Variants in SNRK observed in about 807,000 individuals in gnomAD.
SNRK encodes SNF-related serine/threonine-protein kinase.
In SNRK, 3 loss-of-function variants were observed where a neutral mutation model predicts 48.2. The ratio of observed to expected loss-of-function variants is 0.06; its 90% CI spans 0.03 to 0.16. The LOEUF is 0.16. Ranked by LOEUF, SNRK falls within the 10% of genes least tolerant of loss-of-function variation. The pLI, the probability that SNRK is intolerant of heterozygous loss-of-function variation, is 1.00. For missense variants in SNRK, 627 were observed against 976.0 expected, an observed-to-expected ratio of 0.64 and a Z score of 4.76; for synonymous variants, 376 against 366.1, an observed-to-expected ratio of 1.03 and a Z score of -0.31.
chr3:43,291,518 G>T (rs2090812436), intron 1 of SNRK, among the ~76,000 whole-genome samples: 1 of 152,156 alleles, frequency 6.6e-6, no homozygotes, highest in Non-Finnish European at 1.5e-5. Context: ...TCTCATGGGA[G>T]GGAGGCCAGT....
intron 3 of SNRK, among the ~76,000 whole-genome samples, chr3:43,323,494 C>T (rs912725136): frequency 2.6e-5 from 4 of 152,210 alleles, no homozygotes; most frequent in African/African-American, 9.6e-5. Context: ...TTGAAATGCT[C>T]ATACATTTCT....
intron 3 of SNRK, among the ~76,000 whole-genome samples, chr3:43,324,745 A>C (rs1373991598): frequency 6.6e-6 from 1 of 152,200 alleles, no homozygotes; most frequent in African/African-American, 2.4e-5. Flanking sequence ...AATACAGGAA[A>C]ATAGGTTGCA....
intron 3 of SNRK, among the ~76,000 whole-genome samples, chr3:43,311,040 G>GGGTC (rs1326040328): frequency 1.3e-5 from 2 of 152,118 alleles, no homozygotes; most frequent in African/African-American, 4.8e-5. Context: ...GAGAGGAGCA[G>GGGTC]GGTCATACAG....
intron 3 of SNRK, among the ~76,000 whole-genome samples, chr3:43,324,705 T>G (rs2091081695): frequency 6.6e-6 from 1 of 152,082 alleles, no homozygotes; most frequent in African/African-American, 2.4e-5. Flanking sequence ...GTATTTATTG[T>G]AATTCCTAGA....
intron 1 of SNRK, among the ~76,000 whole-genome samples, chr3:43,289,163 A>G (rs980005544): frequency 6.6e-6 from 1 of 152,206 alleles, no homozygotes; most frequent in Non-Finnish European, 1.5e-5. Context: ...CTGCAGAAGC[A>G]CAAGGATGGC....
At chr3:43,327,120 A>G (rs2091102639) in intron 3 of SNRK, among the ~76,000 whole-genome samples, 1 of 152,220 alleles carries the variant, frequency 6.6e-6, no homozygotes, top group South Asian at 2.1e-4. Flanking sequence ...TTGTTTTACA[A>G]GAAAGAATCT....
chr3:43,320,665 G>GT lies in SNRK; in HGVS notation c.590-11494dup, dbSNP rs60020914. On this transcript the variant is annotated intron_variant, in intron 3 of 6. Coordinates refer to ENST00000296088, the MANE Select transcript of SNRK (RefSeq NM_017719.5). ...GCTTGTATTGTATCAGAGTAGCTGGGTTTTTTTTTTCCCCAAATTTACCTA... is the reference window on the plus strand; with the variant it reads ...GCTTGTATTGTATCAGAGTAGCTGGGTTTTTTTTTTTCCCCAAATTTACCTA... Among the ~76,000 whole-genome samples, 252 of 149,052 alleles carry GT rather than the reference G, an allele frequency of 1.7e-3. 4 individuals carry two copies. The East Asian group carries it at 0.026, about 15-fold the overall frequency.
At chr3:43,295,240 C>T (rs1466355642) in intron 1 of SNRK, among the ~76,000 whole-genome samples, 1 of 152,190 alleles carries the variant, frequency 6.6e-6, no homozygotes, top group African/African-American at 2.4e-5. Flanking sequence ...ATTCAGATTA[C>T]TTGATATATG....
chr3:43,333,419 A>C (rs2125640309), intron 4 of SNRK: 1 of 146,064 alleles, frequency 6.8e-6, no homozygotes, highest in African/African-American at 2.5e-5. Flanking sequence ...GGATTCAAAT[A>C]TTGACTTCTC....
chr3:43,306,235 A>G (rs71323189), intron 3 of SNRK, among the ~76,000 whole-genome samples: 2 of 126,966 alleles, frequency 1.6e-5, no homozygotes, highest in Non-Finnish European at 3.3e-5. Context: ...TGCTATTTTT[A>G]AAAAAAAGGA....
At position 43,350,113 on chromosome 3, in the gene SNRK, A is replaced by AAACT. The variant is rs1184957742; in HGVS notation, c.*1559_*1562dup. 6.6e-6 allele frequency: 1 copy of AAACT among 152,646 alleles called. No homozygotes were observed. Among genetic ancestry groups the AAACT allele is most frequent in the Non-Finnish European group, 1.5e-5 (1 of 68,044 alleles). 9.5% of individuals were successfully genotyped at this position (152,646 alleles called of 1,614,324 possible). On this transcript the variant is annotated 3_prime_UTR_variant, in exon 7 of 7. Transcript: ENST00000296088. ...CTCTGAATTTCACAGTATACTTACT[A>AAACT]AACTAAGTAAAAATGATACTTAAAA...
chr3:43,301,538 G>C (rs1176791561), intron 2 of SNRK, among the ~76,000 whole-genome samples: 2 of 152,148 alleles, frequency 1.3e-5, no homozygotes, highest in African/African-American at 4.8e-5. Context: ...GGCCAAGGCA[G>C]GAGGATTGCA....
chr3:43,287,150 A>G (rs963196539), intron 1 of SNRK, among the ~76,000 whole-genome samples: 3 of 151,674 alleles, frequency 2.0e-5, no homozygotes, highest in African/African-American at 7.2e-5. Flanking sequence ...CCTCAGCAAA[A>G]GGGTTCCGTG....
chr3:43,295,246 A>G (rs1017010981), intron 1 of SNRK, among the ~76,000 whole-genome samples: 4 of 152,208 alleles, frequency 2.6e-5, no homozygotes, highest in African/African-American at 7.2e-5. Flanking sequence ...ATTACTTGAT[A>G]TATGTTGGAC....
intron 5 of SNRK, 191 bp from the exon 6 acceptor site, chr3:43,343,153 C>A: frequency 1.7e-6 from 1 of 604,308 alleles, no homozygotes; most frequent in East Asian, 3.2e-5. Flanking sequence ...CATTTTTATG[C>A]AGTTGTTTTT....
At chr3:43,345,797 C>T (rs1435826791) in intron 6 of SNRK, among the ~76,000 whole-genome samples, 1 of 152,172 alleles carries the variant, frequency 6.6e-6, no homozygotes, top group Admixed American at 6.5e-5. Flanking sequence ...AATCAAGTAG[C>T]TTAAGGTTTC....
rs372801829 is a variant in SNRK, at chr3:43,347,873, C to T, written c.1614C>T (p.Cys538=). ...RRKSQGRGSS[C]SSSETSDDDS... Reference sequence around the variant, plus strand: ...AAAGTCAGGGCCGGGGCTCCAGCTGCAGTAGTTCGGAGACCAGTGATGATG... The same window carrying T: ...AAAGTCAGGGCCGGGGCTCCAGCTGTAGTAGTTCGGAGACCAGTGATGATG... The change falls in exon 7 of 7, where the codon TGC becomes TGT. Residue 538 remains cysteine, a synonymous_variant. Transcript: ENST00000296088. The surrounding 1 kb of genome is among the most constrained non-coding windows in gnomAD (Gnocchi z 5.4). 12 of 1,614,150 alleles carry T rather than the reference C, an allele frequency of 7.4e-6. No individual in the cohort carries two copies. The highest frequency in any genetic ancestry group is 9.3e-6 in the Non-Finnish European group (11 of 1,180,008).
chr3:43,341,357 TAGCC>T (rs2091236033), intron 5 of SNRK, among the ~76,000 whole-genome samples: 1 of 152,136 alleles, frequency 6.6e-6, no homozygotes, highest in South Asian at 2.1e-4. Context: ...TTCACTGTGT[TAGCC>T]AGGATGGTCT....
intron 1 of SNRK, among the ~76,000 whole-genome samples, chr3:43,294,050 C>T (rs1466021719): frequency 6.6e-6 from 1 of 152,056 alleles, no homozygotes; most frequent in Non-Finnish European, 1.5e-5. Context: ...ATACTGTTAA[C>T]GTTGGGTATA....
Sources: gnomAD v4.1 joint callset for allele counts (sites outside exome capture counted in the v4.1 genomes callset) on GRCh38, gnomAD v4.1.1 for gene constraint, Gnocchi (gnomAD v3.1) non-coding constraint, MANE v1.5 for transcripts, NCBI Gene and HGNC (gene_info 2026-07-23, HGNC 2026-07-21) for gene names.